The following CRY2 variants were observed in gnomAD, a reference collection of about 807,000 sequenced individuals.
CRY2 encodes the protein cryptochrome-2.
A neutral mutation model predicts 69.5 loss-of-function variants in CRY2; 31 were observed. The ratio of observed to expected loss-of-function variants is 0.45; its 90% CI spans 0.34 to 0.60. CRY2 has a LOEUF of 0.60. Among genes scored for constraint, CRY2 ranks in the 20% least tolerant of loss-of-function variants. The pLI, the probability that CRY2 is intolerant of heterozygous loss-of-function variation, is 0.02. For missense variants in CRY2, 606 were observed against 797.8 expected (o/e 0.76, Z 2.90); for synonymous variants, 303 against 312.2 (o/e 0.97, Z 0.31).
rs1425386475 is a variant in CRY2, at chr11:45,860,964, A to G, written c.584A>G (p.Glu195Gly). The G allele has an allele frequency of 6.2e-7, 1 of 1,613,996 alleles. No individual in the cohort carries two copies. The highest frequency in any genetic ancestry group is 1.3e-5 in the African/African-American group (1 of 74,944). The change falls in exon 4 of 12, where the codon GAG becomes GGG. Residue 195 changes from glutamate (E) to glycine (G), a missense_variant. Around this residue, in one of 5 missense-constraint regions of CRY2, gnomAD observed 382 missense variants for 508.9 expected, o/e 0.75. Coordinates refer to ENST00000616080, the MANE Select transcript of CRY2 (RefSeq NM_021117.5). ...PVGLVTSQQM[E>G]SCRAEIQENH... ...GGCTTGGTGACCAGCCAGCAGATGGAGAGCTGCAGGGCCGAGATCCAGGAG... is the reference window on the plus strand; with the variant it reads ...GGCTTGGTGACCAGCCAGCAGATGGGGAGCTGCAGGGCCGAGATCCAGGAG...
intron 2 of CRY2, among the ~76,000 whole-genome samples, chr11:45,856,621 C>T (rs1037755654): frequency 1.3e-5 from 2 of 152,076 alleles, no homozygotes; most frequent in Non-Finnish European, 1.5e-5. Context: ...ATGGTGAAAC[C>T]CCGTCTCTAC....
chr11:45,874,619 G>A (rs2086411968), intron 11 of CRY2, among the ~76,000 whole-genome samples: 3 of 152,196 alleles, frequency 2.0e-5, no homozygotes, highest in African/African-American at 7.2e-5. Context: ...TTAGTGGAAG[G>A]AGACAGACAG....
At chr11:45,847,388 T>G, upstream of CRY2, 1 of 1,598,188 alleles carries the variant, frequency 6.3e-7, no homozygotes, top group Non-Finnish European at 8.5e-7. Context: ...GGGCGGGGAC[T>G]AAGGGTGGAG....
chr11:45,865,059 C>A (rs1565060102), intron 5 of CRY2, among the ~76,000 whole-genome samples: 1 of 151,044 alleles, frequency 6.6e-6, no homozygotes, highest in East Asian at 2.0e-4. Flanking sequence ...CACACCCGGG[C>A]AGAAATAAAG....
At chr11:45,878,150 C>T (rs1590774619) in intron 11 of CRY2, among the ~76,000 whole-genome samples, 2 of 152,218 alleles carry the variant, frequency 1.3e-5, no homozygotes, top group African/African-American at 2.4e-5. Context: ...TTTGGAAAGT[C>T]GATGGAGGAT....
chr11:45,848,122 G>T (rs1224348129), intron 1 of CRY2, among the ~76,000 whole-genome samples: 8 of 152,108 alleles, frequency 5.3e-5, no homozygotes, highest in East Asian at 1.9e-4. Flanking sequence ...GTTTTTGCTC[G>T]CATTCTTCAA....
intron 7 of CRY2, 43 bp downstream of exon 7, chr11:45,869,860 C>A: frequency 1.3e-6 from 2 of 1,560,194 alleles, no homozygotes; most frequent in South Asian, 2.4e-5. Context: ...ACCCTCTGGT[C>A]AGGCCCGTCA....
intron 11 of CRY2, among the ~76,000 whole-genome samples, chr11:45,876,046 T>C (rs2086422066): frequency 1.3e-5 from 2 of 152,166 alleles, no homozygotes; most frequent in Non-Finnish European, 2.9e-5. Context: ...TTATATTGGG[T>C]TGGGGGAGGG....
intron 2 of CRY2, among the ~76,000 whole-genome samples, chr11:45,856,947 T>C (rs2086244794): frequency 6.6e-6 from 1 of 152,106 alleles, no homozygotes; most frequent in Admixed American, 6.6e-5. Flanking sequence ...CTTTAAAAAG[T>C]ATATTCTAAG....
At chr11:45,860,767 G>A (rs2086281192) in intron 3 of CRY2, 81 bp from the exon 4 acceptor site, 2 of 1,501,132 alleles carry the variant, frequency 1.3e-6, no homozygotes, top group South Asian at 1.2e-5. Flanking sequence ...AGCCTTCAGA[G>A]TCTGGGTTCT....
intron 1 of CRY2, among the ~76,000 whole-genome samples, chr11:45,847,958 T>A (rs142214048): frequency 6.4e-4 from 97 of 152,306 alleles, no homozygotes; most frequent in African/African-American, 2.1e-3. Flanking sequence ...ATCCCCGTTG[T>A]ACAGATGAGA....
rs2292912 is a variant in CRY2, at chr11:45,856,137, C to A, written c.324+47C>A. Reference sequence around the variant, plus strand: ...GAAGACAGTGAGATTCTGTCCCTGACGGTTTCCCCACAGCCTGAGTGATAT... The same window carrying A: ...GAAGACAGTGAGATTCTGTCCCTGAAGGTTTCCCCACAGCCTGAGTGATAT... On this transcript the variant is annotated intron_variant, in intron 2 of 11. Transcript: ENST00000616080. The A allele has an allele frequency of 2.7e-6, 4 of 1,465,668 alleles. No individual in the cohort carries two copies. In the East Asian group the frequency reaches 9.1e-5, roughly 33 times the overall value. 90.8% of individuals were successfully genotyped at this position (1,465,668 alleles called of 1,614,324 possible).
chr11:45,869,905 G>A (rs761494362), intron 7 of CRY2, 88 bp downstream of exon 7: 78 of 1,519,666 alleles, frequency 5.1e-5, no homozygotes, highest in Non-Finnish European at 6.1e-5. Context: ...GGGATGAGGT[G>A]GGATTTCTGG....
intron 4 of CRY2, chr11:45,861,794 C>T: frequency 2.3e-6 from 1 of 432,296 alleles, no homozygotes; most frequent in Non-Finnish European, 4.2e-6. Context: ...ACAGTTGTTG[C>T]CAGCTAATCT....
intron 2 of CRY2, 73 bp downstream of exon 2, chr11:45,856,163 G>A: frequency 8.1e-7 from 1 of 1,235,376 alleles, no homozygotes; most frequent in Non-Finnish European, 1.2e-6. Context: ...TGAGTGATAT[G>A]ATATTCCGAC....
chr11:45,847,473 G>C, upstream of CRY2: 14 of 1,599,294 alleles, frequency 8.8e-6, no homozygotes, highest in Non-Finnish European at 1.2e-5. Context: ...GGGGGTGGCT[G>C]GAGCAGTCTG....
chr11:45,874,935 T>C (rs1410120394), intron 11 of CRY2, among the ~76,000 whole-genome samples: 1 of 152,030 alleles, frequency 6.6e-6, no homozygotes, highest in African/African-American at 2.4e-5. Context: ...AGAGCTAGAC[T>C]CAGTCTCACA....
rs1236824243 is a variant in CRY2 at position 45,881,373 on chromosome 11, A to C, written c.*462A>C. ...GTCCAAAGCATGGGATTCTGGAGGC[A>C]GCCAGAGCCCTGCTGAGTTCCTGCT... On this transcript the variant is annotated 3_prime_UTR_variant, in exon 12 of 12. Coordinates refer to ENST00000616080, the MANE Select transcript of CRY2 (RefSeq NM_021117.5). 1 of 152,834 alleles carries C rather than the reference A, an allele frequency of 6.5e-6. No homozygotes were observed. Among genetic ancestry groups the C allele is most frequent in the South Asian group, 2.1e-4 (1 of 4,832 alleles). The allele number at this position is 152,834 out of a possible 1,614,324, so 9.5% of individuals were successfully genotyped here. A position where few individuals can be genotyped will look rare whatever the true frequency, so the allele number is the denominator to read the frequency against.
At chr11:45,865,241 A>G (rs187272155) in intron 5 of CRY2, among the ~76,000 whole-genome samples, 1 of 152,350 alleles carries the variant, frequency 6.6e-6, no homozygotes, top group East Asian at 1.9e-4. Context: ...CGTGTTTATT[A>G]TAAAAGCTGA....
Sources: gnomAD v4.1 joint callset for allele counts (sites outside exome capture counted in the v4.1 genomes callset) on GRCh38, gnomAD v4.1.1 for gene constraint, gnomAD v4.1.1 regional missense constraint, MANE v1.5 for transcripts, NCBI Gene and HGNC (gene_info 2026-07-23, HGNC 2026-07-21) for gene names.